Variants in CEP63 observed in about 807,000 individuals in gnomAD.
The protein encoded by CEP63 is centrosomal protein 63, also known as centrosomal protein of 63 kDa.
CEP63 carries 84 observed loss-of-function variants against 89.1 expected under a neutral mutation model. The observed-to-expected ratio is 0.94, with a 90% CI of 0.79 to 1.13. CEP63 has a LOEUF of 1.13. Among genes scored for constraint, CEP63 ranks in the 50% most tolerant of loss-of-function variants. The probability of loss-of-function intolerance (pLI) is 0.00; values close to 1 mark genes in which losing one functional copy is unlikely to be tolerated. For missense variants in CEP63, 838 were observed against 813.3 expected (o/e 1.03, Z -0.37); for synonymous variants, 267 against 272.5 (o/e 0.98, Z 0.20).
rs370033036 is a variant in CEP63, at chr3:134,561,584, T to C, written c.*49T>C. 1 of 1,573,158 alleles carries C rather than the reference T, an allele frequency of 6.4e-7. No homozygotes were observed. Among genetic ancestry groups the C allele is most frequent in the Non-Finnish European group, 8.6e-7 (1 of 1,157,264 alleles). Reference sequence around the variant, plus strand: ...GGAAATAAAAATAAACACCAAAGAGTTACTGTCATCTGAAGTAGCAGCTCT... The same window carrying C: ...GGAAATAAAAATAAACACCAAAGAGCTACTGTCATCTGAAGTAGCAGCTCT... On this transcript the variant is annotated 3_prime_UTR_variant, in exon 15 of 15. Coordinates refer to ENST00000675561, the MANE Select transcript of CEP63 (RefSeq NM_001353108.3).
At chr3:134,489,266 T>C (rs1936825343) in intron 1 of CEP63, among the ~76,000 whole-genome samples, 1 of 152,096 alleles carries the variant, frequency 6.6e-6, no homozygotes. Context: ...AGTGCAGTTA[T>C]AAAATATTTT....
chr3:134,607,757 T>A, the CEP63 span: 34 of 986,038 alleles, frequency 3.4e-5, no homozygotes, highest in Middle Eastern at 5.2e-4. Flanking sequence ...GGAGAGCACA[T>A]GTCAGCCCAG....
chr3:134,770,415 G>A, the CEP63 span, among the ~76,000 whole-genome samples: 1 of 152,116 alleles, frequency 6.6e-6, no homozygotes, highest in East Asian at 1.9e-4. Context: ...ATTAGCATAA[G>A]GATTGCACAA....
intron 10 of CEP63, among the ~76,000 whole-genome samples, chr3:134,584,974 T>TTTTTTTTTTTTTTTTTTTTTTTTG (rs1958451757): frequency 2.0e-5 from 3 of 149,468 alleles, no homozygotes; most frequent in African/African-American, 5.0e-5. Context: ...TTTTTTTTTT[T>TTTTTTTTTTTTTTTTTTTTTTTTG]GCATGGAGGT....
the CEP63 span, among the ~76,000 whole-genome samples, chr3:134,634,547 G>A: frequency 1.3e-5 from 2 of 152,188 alleles, no homozygotes; most frequent in Non-Finnish European, 2.9e-5. Context: ...TGGAAAATAA[G>A]CACATGAAAA....
At chr3:134,728,144 A>T in the CEP63 span, among the ~76,000 whole-genome samples, 3 of 152,182 alleles carry the variant, frequency 2.0e-5, no homozygotes. Flanking sequence ...AATTTAAATG[A>T]TGGCAGTTGG....
chr3:134,696,238 C>T, the CEP63 span, among the ~76,000 whole-genome samples: 5 of 152,200 alleles, frequency 3.3e-5, no homozygotes, highest in South Asian at 2.1e-4. Flanking sequence ...ACTCTCTAAG[C>T]GTGACTTGCC....
the CEP63 span, among the ~76,000 whole-genome samples, chr3:134,606,144 C>T: frequency 3.3e-5 from 5 of 152,118 alleles, no homozygotes; most frequent in African/African-American, 1.2e-4. Flanking sequence ...TGCTCACGGC[C>T]CCTGGTCCTG....
At chr3:134,565,538 G>A (rs181894717), downstream of CEP63, among the ~76,000 whole-genome samples, 1 of 152,240 alleles carries the variant, frequency 6.6e-6, no homozygotes, top group East Asian at 1.9e-4. Context: ...CTGAAATGTA[G>A]AAAAAGTTAG....
At chr3:134,678,464 C>A in the CEP63 span, among the ~76,000 whole-genome samples, 2 of 152,140 alleles carry the variant, frequency 1.3e-5, no homozygotes, top group African/African-American at 4.8e-5. Flanking sequence ...AAAGGCTGTG[C>A]ATGTTCCTGG....
chr3:134,603,636 C>G, the CEP63 span: 4 of 1,611,046 alleles, frequency 2.5e-6, no homozygotes, highest in Admixed American at 5.0e-5. Flanking sequence ...GGTTGGCATT[C>G]TCCAGCACCA....
the CEP63 span, among the ~76,000 whole-genome samples, chr3:134,752,955 G>A: frequency 5.3e-5 from 8 of 152,220 alleles, no homozygotes; most frequent in East Asian, 1.2e-3. Context: ...CATGATATGG[G>A]TCTGGTGGCC....
At chr3:134,601,825 G>GA in the CEP63 span, among the ~76,000 whole-genome samples, 1 of 152,260 alleles carries the variant, frequency 6.6e-6, no homozygotes, top group Admixed American at 6.5e-5. Context: ...TTAGGGGAGG[G>GA]ATCCCGGGGG....
chr3:134,605,293 G>A, the CEP63 span, among the ~76,000 whole-genome samples: 1 of 152,130 alleles, frequency 6.6e-6, no homozygotes, highest in Non-Finnish European at 1.5e-5. Context: ...TTAGAGCCTG[G>A]TCTTAATTCT....
the CEP63 span, among the ~76,000 whole-genome samples, chr3:134,595,908 G>T: frequency 6.6e-6 from 1 of 152,290 alleles, no homozygotes; most frequent in South Asian, 2.1e-4. Context: ...CGGTCTTCAA[G>T]ACAGCCCCAC....
chr3:134,502,870 C>T (rs1218875587), intron 2 of CEP63, among the ~76,000 whole-genome samples: 1 of 151,958 alleles, frequency 6.6e-6, no homozygotes, highest in East Asian at 1.9e-4. Flanking sequence ...TTAGGTGTGA[C>T]ATTACATTGT....
intron 10 of CEP63, among the ~76,000 whole-genome samples, chr3:134,584,959 T>TG (rs1156909354): frequency 1.3e-5 from 1 of 75,284 alleles, no homozygotes; most frequent in Non-Finnish European, 2.7e-5. Context: ...TTCTAGGGTT[T>TG]TTTTTTTTTT....
intron 1 of CEP63, among the ~76,000 whole-genome samples, chr3:134,490,286 T>A (rs767484165): frequency 6.6e-6 from 1 of 152,198 alleles, no homozygotes; most frequent in African/African-American, 2.4e-5. Context: ...GTTGGATTTA[T>A]GTTTGTATCT....
intron 3 of CEP63, among the ~76,000 whole-genome samples, chr3:134,514,136 T>C (rs914376563): frequency 1.3e-5 from 2 of 152,086 alleles, no homozygotes; most frequent in African/African-American, 4.8e-5. Context: ...AAGATAAGAT[T>C]GAGCATTTCG....
Sources: gnomAD v4.1 joint callset for allele counts (sites outside exome capture counted in the v4.1 genomes callset) on GRCh38, gnomAD v4.1.1 for gene constraint, MANE v1.5 for transcripts, NCBI Gene and HGNC (gene_info 2026-07-23, HGNC 2026-07-21) for gene names.